Variants in ADRA1B observed in about 807,000 individuals in gnomAD.
ADRA1B encodes adrenoceptor alpha 1B.
ADRA1B carries 17 observed loss-of-function variants against 17.9 expected under a neutral mutation model. The observed-to-expected ratio is 0.95, with a 90% CI of 0.65 to 1.42. ADRA1B has a LOEUF of 1.42. Ranked by LOEUF, ADRA1B falls within the 40% of genes most tolerant of loss-of-function variation. The pLI is 0.00. For missense variants in ADRA1B, 681 were observed against 722.1 expected (o/e 0.94, Z 0.65); for synonymous variants, 366 against 327.6 (o/e 1.12, Z -1.27).
Position 159,950,294 on chromosome 5 carries a change from C to A in ADRA1B, c.950-21585C>A, listed in dbSNP as rs549818514. 2.1e-4 allele frequency among the ~76,000 whole-genome samples: 32 copies of A among 152,082 alleles called. 1 individual carries two copies. The highest frequency in any genetic ancestry group is 4.2e-4 in the South Asian group (2 of 4,818). Reference sequence around the variant, plus strand: ...AGTGGAGAATTTTTTCTTTTTTTGGCTGAGCACAGGGGACTTTATTGATAG... The same window carrying A: ...AGTGGAGAATTTTTTCTTTTTTTGGATGAGCACAGGGGACTTTATTGATAG... On this transcript the variant is annotated intron_variant, in intron 1 of 1. Coordinates refer to ENST00000306675, the MANE Select transcript of ADRA1B (RefSeq NM_000679.4).
chr5:159,963,560 C>G (rs1755718965), intron 1 of ADRA1B, among the ~76,000 whole-genome samples: 1 of 152,158 alleles, frequency 6.6e-6, no homozygotes, highest in Admixed American at 6.5e-5. Context: ...ATGGTGCCTT[C>G]TAGAGCACAG....
At chr5:159,910,910 G>GT (rs1457597972) in intron 1 of ADRA1B, among the ~76,000 whole-genome samples, 3 of 152,056 alleles carry the variant, frequency 2.0e-5, no homozygotes, top group Non-Finnish European at 2.9e-5. Flanking sequence ...TTTGTCTTTT[G>GT]TTTTTTGCAG....
the ADRA1B span, among the ~76,000 whole-genome samples, chr5:159,987,670 A>G: frequency 6.6e-6 from 1 of 152,212 alleles, no homozygotes; most frequent in Non-Finnish European, 1.5e-5. Context: ...GATATTCTAG[A>G]ATTCTAGGTT....
At chr5:159,898,442 C>T (rs1754060903) in intron 1 of ADRA1B, among the ~76,000 whole-genome samples, 2 of 152,120 alleles carry the variant, frequency 1.3e-5, no homozygotes, top group South Asian at 4.1e-4. Flanking sequence ...CTCTGATAAA[C>T]ATATGATTCT....
chr5:159,901,624 A>T (rs1754102167), intron 1 of ADRA1B, among the ~76,000 whole-genome samples: 1 of 152,214 alleles, frequency 6.6e-6, no homozygotes, highest in African/African-American at 2.4e-5. Context: ...TGTTCATCTC[A>T]GCTCTTCTCA....
intron 1 of ADRA1B, among the ~76,000 whole-genome samples, chr5:159,959,588 C>T (rs570877315): frequency 5.3e-5 from 8 of 152,246 alleles, no homozygotes; most frequent in South Asian, 4.1e-4. Flanking sequence ...CCTGGACATC[C>T]GTGGATGAGA....
chr5:159,897,154 G>A (rs546163496), intron 1 of ADRA1B, among the ~76,000 whole-genome samples: 28 of 152,258 alleles, frequency 1.8e-4, no homozygotes, highest in African/African-American at 6.5e-4. Flanking sequence ...TATTTTCCTC[G>A]TTTCCTGTGC....
At chr5:159,879,447 C>T (rs1753833669) in intron 1 of ADRA1B, among the ~76,000 whole-genome samples, 1 of 152,176 alleles carries the variant, frequency 6.6e-6, no homozygotes, top group Non-Finnish European at 1.5e-5. Flanking sequence ...ATTCCAGCCC[C>T]CTCTCCAGCA....
chr5:159,914,182 T>C (rs142456695), upstream of ADRA1B, among the ~76,000 whole-genome samples: 9 of 152,312 alleles, frequency 5.9e-5, no homozygotes, highest in African/African-American at 2.2e-4. Context: ...AGCCAGGTCC[T>C]ATCTGCAGAC....
At chr5:159,904,628 T>A (rs913456069) in intron 1 of ADRA1B, among the ~76,000 whole-genome samples, 2 of 152,204 alleles carry the variant, frequency 1.3e-5, no homozygotes, top group African/African-American at 4.8e-5. Context: ...GAGCCTACTA[T>A]GTGTCAGGCC....
intron 1 of ADRA1B, among the ~76,000 whole-genome samples, chr5:159,925,127 T>C (rs1340886959): frequency 1.3e-5 from 2 of 152,178 alleles, no homozygotes; most frequent in Non-Finnish European, 2.9e-5. Context: ...GGTTCATCAT[T>C]GGAGCTCTCC....
chr5:159,892,769 A>G (rs910149583), intron 1 of ADRA1B, among the ~76,000 whole-genome samples: 2 of 152,204 alleles, frequency 1.3e-5, no homozygotes, highest in African/African-American at 2.4e-5. Context: ...CATCTTTGCT[A>G]CTGTGAATAG....
At chr5:159,872,473 C>T (rs1268291022) in intron 1 of ADRA1B, among the ~76,000 whole-genome samples, 1 of 152,122 alleles carries the variant, frequency 6.6e-6, no homozygotes, top group African/African-American at 2.4e-5. Context: ...GACAAGTGGG[C>T]CCTGGACCAG....
the ADRA1B span, among the ~76,000 whole-genome samples, chr5:159,983,901 C>T: frequency 3.9e-5 from 6 of 152,028 alleles, no homozygotes; most frequent in South Asian, 4.1e-4. Flanking sequence ...TCCCTCCCCG[C>T]GTTCTTGCTG....
At chr5:159,931,897 C>T (rs971443660) in intron 1 of ADRA1B, among the ~76,000 whole-genome samples, 3 of 152,236 alleles carry the variant, frequency 2.0e-5, no homozygotes, top group Non-Finnish European at 4.4e-5. Context: ...CACTTACCAA[C>T]AACACTGCAC....
At chr5:159,932,653 A>G (rs115146609) in intron 1 of ADRA1B, among the ~76,000 whole-genome samples, 25 of 152,224 alleles carry the variant, frequency 1.6e-4, no homozygotes, top group African/African-American at 5.8e-4. Flanking sequence ...ATTCCCCTCC[A>G]TGGAGGCAAC....
In ADRA1B at chr5:159,972,953, A is replaced by C. The variant is rs1489354784; in HGVS notation, c.*461A>C. 6.6e-6 allele frequency among the ~76,000 whole-genome samples: 1 copy of C among 152,176 alleles called. No homozygotes were observed. Among genetic ancestry groups the C allele is most frequent in the Non-Finnish European group, 1.5e-5 (1 of 68,026 alleles). ...TCAAGCCCCTCCTTGTACTTCACTG[A>C]AGGATGGCACTTTGGTGGGGTTGGA... On this transcript the variant is annotated 3_prime_UTR_variant, in exon 2 of 2. Coordinates refer to ENST00000306675, the MANE Select transcript of ADRA1B (RefSeq NM_000679.4).
At chr5:159,927,381 G>GCACA (rs59807316) in intron 1 of ADRA1B, among the ~76,000 whole-genome samples, 1,591 of 140,708 alleles carry the variant, frequency 0.011, 17 homozygotes, top group Non-Finnish European at 0.016. Flanking sequence ...ATTAAAACAT[G>GCACA]CACACACACA....
At chr5:159,900,477 T>C (rs1197254106) in intron 1 of ADRA1B, among the ~76,000 whole-genome samples, 1 of 152,150 alleles carries the variant, frequency 6.6e-6, no homozygotes, top group Admixed American at 6.5e-5. Flanking sequence ...TATTTGGTTG[T>C]TATGGTGAGT....
Sources: allele counts gnomAD v4.1 joint callset (sites outside exome capture counted in the v4.1 genomes callset), GRCh38; gene constraint gnomAD v4.1.1; transcripts MANE v1.5; gene names NCBI Gene and HGNC (gene_info 2026-07-23, HGNC 2026-07-21).